The following DCDC1 variants were observed in gnomAD, a reference collection of about 807,000 sequenced individuals.
The protein encoded by DCDC1 is doublecortin domain-containing protein 1.
Under a neutral mutation model 178.3 loss-of-function variants are expected in DCDC1, and 200 were observed. That is an observed-to-expected ratio of 1.12 (90% CI 1.00 to 1.26). The LOEUF is 1.26. Among genes scored for constraint, DCDC1 ranks in the 50% most tolerant of loss-of-function variants. The pLI is 0.00. For missense variants in DCDC1, 1,983 were observed against 1,749.2 expected (o/e 1.13, Z -2.38); for synonymous variants, 690 against 604.8 (o/e 1.14, Z -2.07).
intron 27 of DCDC1, among the ~76,000 whole-genome samples, chr11:30,911,794 G>A (rs1016824352): frequency 6.6e-6 from 1 of 152,158 alleles, no homozygotes; most frequent in African/African-American, 2.4e-5. Context: ...GACACCACAT[G>A]CTTCAGGCCT....
At chr11:31,134,178 A>T (rs966545072) in intron 10 of DCDC1, among the ~76,000 whole-genome samples, 1 of 152,184 alleles carries the variant, frequency 6.6e-6, no homozygotes, top group Non-Finnish European at 1.5e-5. Context: ...GAAAACAGAC[A>T]ACTTCACTGT....
chr11:31,331,337 T>A (rs530689095), intron 2 of DCDC1, among the ~76,000 whole-genome samples: 1 of 152,310 alleles, frequency 6.6e-6, no homozygotes, highest in African/African-American at 2.4e-5. Context: ...ACAGGGACAA[T>A]TTGACTTCCT....
chr11:31,026,999 G>A (rs963172077), intron 20 of DCDC1, among the ~76,000 whole-genome samples: 8 of 151,310 alleles, frequency 5.3e-5, no homozygotes, highest in African/African-American at 1.5e-4. Flanking sequence ...TGTGGAATTC[G>A]GTACCTTCAA....
Position 31,103,770 on chromosome 11 carries a change from C to A in DCDC1, c.1752-1G>T, listed in dbSNP as rs1220058716. ...ACCCAAAGCAAGATTTAGTGGAGAT[C>A]TGAAAAACGGATAAAACATCAAAAC... On this transcript the variant is annotated splice_acceptor_variant, in intron 13 of 38. Coordinates refer to ENST00000684477, the MANE Select transcript of DCDC1 (RefSeq NM_001387274.1). LOFTEE classifies it high-confidence loss of function. 6 of 759,008 alleles carry A rather than the reference C, an allele frequency of 7.9e-6. No homozygotes were observed. In the East Asian group the frequency reaches 1.2e-4, roughly 15 times the overall value. 47.0% of individuals were successfully genotyped at this position (759,008 alleles called of 1,614,324 possible). A position where few individuals can be genotyped will look rare whatever the true frequency, so the allele number is the denominator to read the frequency against.
At chr11:31,037,577 G>T (rs1399330527) in intron 20 of DCDC1, among the ~76,000 whole-genome samples, 1 of 151,736 alleles carries the variant, frequency 6.6e-6, no homozygotes, top group African/African-American at 2.4e-5. Flanking sequence ...GACTACAGGT[G>T]CCCGCCACCT....
At chr11:30,880,305 A>G (rs1396317830) in intron 37 of DCDC1, among the ~76,000 whole-genome samples, 1 of 152,156 alleles carries the variant, frequency 6.6e-6, no homozygotes, top group African/African-American at 2.4e-5. Flanking sequence ...GGCTTCCCTC[A>G]GAACAGTGCT....
chr11:30,881,566 G>A (rs769890034), intron 36 of DCDC1, among the ~76,000 whole-genome samples: 50 of 152,032 alleles, frequency 3.3e-4, no homozygotes, highest in African/African-American at 1.4e-4. Flanking sequence ...AAGGCTTCTC[G>A]CTATTTAAGA....
chr11:30,881,429 G>T, intron 36 of DCDC1, 121 bp from the exon 37 acceptor site: 2 of 1,262,816 alleles, frequency 1.6e-6, no homozygotes, highest in Non-Finnish European at 1.1e-6. Context: ...ACTGATAGTT[G>T]TTAGACATTC....
At chr11:31,346,481 A>G (rs953057385) in intron 1 of DCDC1, among the ~76,000 whole-genome samples, 3 of 151,396 alleles carry the variant, frequency 2.0e-5, no homozygotes, top group Non-Finnish European at 3.0e-5. Flanking sequence ...AAAAAAAAAA[A>G]AAAAAAAGAA....
At chr11:31,246,864 T>C (rs1427073520) in intron 8 of DCDC1, among the ~76,000 whole-genome samples, 1 of 152,108 alleles carries the variant, frequency 6.6e-6, no homozygotes, top group Non-Finnish European at 1.5e-5. Context: ...AGAAAAGATT[T>C]AGCAGTGGTT....
At chr11:30,937,326 C>T (rs931508814) in intron 21 of DCDC1, among the ~76,000 whole-genome samples, 20 of 152,130 alleles carry the variant, frequency 1.3e-4, no homozygotes, top group Non-Finnish European at 1.8e-4. Flanking sequence ...GTCACTTTTT[C>T]TCCCTCAGGT....
chr11:30,977,222 G>A (rs920106181), intron 20 of DCDC1, among the ~76,000 whole-genome samples: 4 of 151,128 alleles, frequency 2.6e-5, no homozygotes, highest in African/African-American at 7.4e-5. Context: ...TTTCTTAATG[G>A]ATACAAACAT....
intron 21 of DCDC1, among the ~76,000 whole-genome samples, chr11:30,936,939 T>C (rs1947313300): frequency 2.0e-5 from 3 of 152,166 alleles, no homozygotes; most frequent in Admixed American, 2.0e-4. Flanking sequence ...CTTCTCATGG[T>C]TGTTTTAGTT....
chr11:30,892,883 A>G lies in DCDC1; in HGVS notation c.5017T>C (p.Trp1673Arg). 6.2e-7 allele frequency: 1 copy of G among 1,613,842 alleles called. No individual in the cohort carries two copies. The highest frequency in any genetic ancestry group is 8.5e-7 in the Non-Finnish European group (1 of 1,179,834). ...LYKQPNTKRVWIYLNGGRPED... is the reference protein window; with the variant it reads ...LYKQPNTKRVRIYLNGGRPED... The stretch of plus-strand genomic sequence containing the variant: ...GGTCTGCCTCCATTTAGATAAATCC[A>G]CACTCGTTTTGTGTTGGGCTGCTTA... Residue 1673 changes from tryptophan to arginine, a missense_variant, in exon 36 of 39, where the codon TGG becomes CGG. Trp to Arg is a moderately radical substitution (Grantham distance 101, BLOSUM62 -3). Coordinates refer to ENST00000684477, the MANE Select transcript of DCDC1 (RefSeq NM_001387274.1).
At chr11:31,367,829 G>C (rs1952040796) in intron 1 of DCDC1, among the ~76,000 whole-genome samples, 1 of 152,190 alleles carries the variant, frequency 6.6e-6, no homozygotes, top group Non-Finnish European at 1.5e-5. Flanking sequence ...GAAGCTTAAT[G>C]ATCAGAAATT....
intron 9 of DCDC1, among the ~76,000 whole-genome samples, chr11:31,199,041 T>C (rs895740903): frequency 6.6e-6 from 1 of 152,022 alleles, no homozygotes; most frequent in African/African-American, 2.4e-5. Flanking sequence ...AGAGGAGGTA[T>C]TTTGATTTAA....
intron 2 of DCDC1, among the ~76,000 whole-genome samples, chr11:31,330,086 G>A (rs547818710): frequency 3.0e-4 from 46 of 152,102 alleles, no homozygotes; most frequent in Admixed American, 1.4e-3. Context: ...TTTAATGATC[G>A]CCATTCTAAC....
chr11:31,329,230 G>A (rs571478953), intron 2 of DCDC1, among the ~76,000 whole-genome samples: 1 of 152,152 alleles, frequency 6.6e-6, no homozygotes, highest in African/African-American at 2.4e-5. Context: ...CAAAAGAGAT[G>A]AAAGCAGACC....
chr11:31,091,382 A>G lies in DCDC1; in HGVS notation c.2237+11T>C, dbSNP rs1565270966. On this transcript the variant is annotated intron_variant, in intron 17 of 38. Transcript: ENST00000684477. ...TTTATTATCTTGAGCTAAATAATTT[A>G]TAAGCATTACCTTTTCTGTAAGATT... 1.4e-6 allele frequency: 1 copy of G among 719,486 alleles called. No homozygotes were observed. Among genetic ancestry groups the G allele is most frequent in the Non-Finnish European group, 2.5e-6 (1 of 392,680 alleles). The allele number at this position is 719,486 out of a possible 1,614,324, so 44.6% of individuals were successfully genotyped here. A position where few individuals can be genotyped will look rare whatever the true frequency, so the allele number is the denominator to read the frequency against.
Sources: gnomAD v4.1 joint callset for allele counts (sites outside exome capture counted in the v4.1 genomes callset) on GRCh38, gnomAD v4.1.1 for gene constraint, MANE v1.5 for transcripts, NCBI Gene and HGNC (gene_info 2026-07-23, HGNC 2026-07-21) for gene names.